The following B3GALT1 variants were observed in gnomAD, a reference collection of about 807,000 sequenced individuals.
B3GALT1 encodes the protein beta-1,3-galactosyltransferase 1.
A neutral mutation model predicts 23.2 loss-of-function variants in B3GALT1; 10 were observed. That is an observed-to-expected ratio of 0.43 (90% CI 0.27 to 0.73). The LOEUF (loss-of-function observed/expected upper bound fraction) is 0.73, where lower values mean the gene tolerates loss of function less well. Ranked by LOEUF, B3GALT1 falls within the 30% of genes least tolerant of loss-of-function variation. The pLI, the probability that B3GALT1 is intolerant of heterozygous loss-of-function variation, is 0.21. For synonymous variants in B3GALT1, 156 were observed against 141.5 expected (o/e 1.10, Z -0.73); for missense variants, 299 against 405.4 (o/e 0.74, Z 2.25).
intron 3 of B3GALT1, among the ~76,000 whole-genome samples, chr2:167,708,421 G>A (rs147150642): frequency 2.9e-4 from 44 of 152,314 alleles, no homozygotes; most frequent in African/African-American, 1.0e-3. Flanking sequence ...AGCACTTTGG[G>A]AGGCCATGGT....
intron 2 of B3GALT1, among the ~76,000 whole-genome samples, chr2:167,510,315 A>G (rs1003408795): frequency 7.2e-5 from 11 of 151,962 alleles, no homozygotes; most frequent in African/African-American, 2.7e-4. Context: ...CATTTCAGTT[A>G]TGAAGCATCT....
chr2:167,528,408 G>A (rs928921902), intron 2 of B3GALT1, among the ~76,000 whole-genome samples: 2 of 152,098 alleles, frequency 1.3e-5, no homozygotes, highest in African/African-American at 2.4e-5. Flanking sequence ...CTATTTAAGG[G>A]TGCCTCTCCT....
chr2:167,591,785 G>A (rs1343675554), intron 2 of B3GALT1, among the ~76,000 whole-genome samples: 1 of 151,770 alleles, frequency 6.6e-6, no homozygotes, highest in Non-Finnish European at 1.5e-5. Context: ...ACCTGTTTTT[G>A]TTGTTGTTGT....
intron 2 of B3GALT1, among the ~76,000 whole-genome samples, chr2:167,505,032 C>T (rs1336635008): frequency 6.6e-6 from 1 of 152,058 alleles, no homozygotes; most frequent in African/African-American, 2.4e-5. Context: ...GAGAGATCTA[C>T]AAAATATATT....
intron 3 of B3GALT1, among the ~76,000 whole-genome samples, chr2:167,669,896 A>T (rs1483996086): frequency 6.6e-6 from 1 of 152,096 alleles, no homozygotes; most frequent in Non-Finnish European, 1.5e-5. Context: ...AACACAGCTA[A>T]ATAGTCTGTA....
At chr2:167,765,822 A>G (rs1251880302) in intron 3 of B3GALT1, among the ~76,000 whole-genome samples, 1 of 152,236 alleles carries the variant, frequency 6.6e-6, no homozygotes, top group Non-Finnish European at 1.5e-5. Context: ...AAAGTGTATT[A>G]TACCGATAAA....
intron 3 of B3GALT1, among the ~76,000 whole-genome samples, chr2:167,668,036 G>A (rs1303960740): frequency 1.3e-5 from 2 of 152,138 alleles, no homozygotes; most frequent in Non-Finnish European, 2.9e-5. Context: ...GCTTTTTAGA[G>A]TTTCCAGTTT....
intron 1 of B3GALT1, among the ~76,000 whole-genome samples, chr2:167,449,014 T>A (rs1438436166): frequency 6.6e-6 from 1 of 152,180 alleles, no homozygotes; most frequent in East Asian, 1.9e-4. Flanking sequence ...ATGGTATAGT[T>A]TAAAGTTGGG....
chr2:167,425,361 C>T (rs1035325483), intron 1 of B3GALT1, among the ~76,000 whole-genome samples: 11 of 151,822 alleles, frequency 7.2e-5, no homozygotes, highest in African/African-American at 2.2e-4. Context: ...CAGTGGCAAG[C>T]GACATAAAAT....
At chr2:167,404,207 AGGTTCCATGGGAACT>A (rs1468019806) in intron 1 of B3GALT1, among the ~76,000 whole-genome samples, 1 of 152,114 alleles carries the variant, frequency 6.6e-6, no homozygotes, top group African/African-American at 2.4e-5. Flanking sequence ...GGCTTTCAAC[AGGTTCCATGGGAACT>A]AATAGAGCAA....
At chr2:167,761,485 T>C (rs1687898817) in intron 3 of B3GALT1, among the ~76,000 whole-genome samples, 1 of 152,234 alleles carries the variant, frequency 6.6e-6, no homozygotes, top group African/African-American at 2.4e-5. Context: ...TACCCATTCT[T>C]ATGAGGTTGT....
At chr2:167,530,747 C>A (rs1341019179) in intron 2 of B3GALT1, among the ~76,000 whole-genome samples, 1 of 152,150 alleles carries the variant, frequency 6.6e-6, no homozygotes, top group Non-Finnish European at 1.5e-5. Context: ...CCATTCACAA[C>A]CTTGATGGGA....
At chr2:167,810,357 G>A (rs542050900) in intron 3 of B3GALT1, among the ~76,000 whole-genome samples, 4 of 150,908 alleles carry the variant, frequency 2.7e-5, no homozygotes, top group Non-Finnish European at 4.4e-5. Flanking sequence ...GAAATCACCC[G>A]TCTTCTCTGT....
chr2:167,325,307 T>A (rs569890761), intron 1 of B3GALT1, among the ~76,000 whole-genome samples: 2 of 152,150 alleles, frequency 1.3e-5, no homozygotes, highest in Non-Finnish European at 2.9e-5. Context: ...AAAAGAGGTT[T>A]GATTGGCTCA....
At chr2:167,472,510 A>G (rs1213025264) in intron 1 of B3GALT1, among the ~76,000 whole-genome samples, 1 of 152,130 alleles carries the variant, frequency 6.6e-6, no homozygotes, top group Non-Finnish European at 1.5e-5. Flanking sequence ...CCATCTTGGT[A>G]GCTCTTAGCC....
intron 1 of B3GALT1, among the ~76,000 whole-genome samples, chr2:167,448,278 G>T (rs928599609): frequency 6.6e-6 from 1 of 152,038 alleles, no homozygotes; most frequent in African/African-American, 2.4e-5. Flanking sequence ...CATCTATGCC[G>T]ACATCTGTTT....
intron 1 of B3GALT1, among the ~76,000 whole-genome samples, chr2:167,368,038 C>T (rs1697618280): frequency 6.6e-6 from 1 of 152,172 alleles, no homozygotes; most frequent in Admixed American, 6.5e-5. Context: ...CTTCCTTTAG[C>T]AGCCAGGCTA....
chr2:167,563,997 G>A (rs1388900581), intron 2 of B3GALT1, among the ~76,000 whole-genome samples: 1 of 147,706 alleles, frequency 6.8e-6, no homozygotes, highest in Non-Finnish European at 1.5e-5. Context: ...GGCCGGACGG[G>A]GGGCCGACCC....
At chr2:167,386,033 C>T (rs1697925403) in intron 1 of B3GALT1, among the ~76,000 whole-genome samples, 3 of 152,146 alleles carry the variant, frequency 2.0e-5, no homozygotes, top group Non-Finnish European at 2.9e-5. Flanking sequence ...CATTGTATTG[C>T]ATATTGCAGT....
Sources: allele counts gnomAD v4.1 joint callset (sites outside exome capture counted in the v4.1 genomes callset), GRCh38; gene constraint gnomAD v4.1.1; transcripts MANE v1.5; gene names NCBI Gene and HGNC (gene_info 2026-07-23, HGNC 2026-07-21).